The following TARS1 variants were observed in gnomAD, a reference collection of about 807,000 sequenced individuals.
The protein encoded by TARS1 is threonine--tRNA ligase 1, cytoplasmic.
TARS1 carries 57 observed loss-of-function variants against 97.7 expected under a neutral mutation model. The ratio of observed to expected loss-of-function variants is 0.58; its 90% confidence interval spans 0.47 to 0.73. The LOEUF is 0.73. Ranked by LOEUF, TARS1 falls within the 30% of genes least tolerant of loss-of-function variation. TARS1 has a pLI of 0.00. For missense variants in TARS1, 806 were observed against 888.3 expected (o/e 0.91, Z 1.18); for synonymous variants, 312 against 293.7 (o/e 1.06, Z -0.64).
intron 2 of TARS1, chr5:33,446,225 G>GT (rs1741406902): frequency 6.4e-6 from 1 of 157,138 alleles, no homozygotes; most frequent in Non-Finnish European, 1.4e-5. Flanking sequence ...TTACTTTAGG[G>GT]TAAGTTTATA....
At chr5:33,446,369 G>A (rs896503235) in intron 2 of TARS1, among the ~76,000 whole-genome samples, 3 of 152,104 alleles carry the variant, frequency 2.0e-5, no homozygotes, top group East Asian at 3.8e-4. Flanking sequence ...TTTAAAATTT[G>A]CAAGCCAATG....
At position 33,454,954 on chromosome 5, in the gene TARS1, C is replaced by A; in HGVS notation, c.463C>A (p.His155Asn). 6.2e-7 allele frequency: 1 copy of A among 1,613,316 alleles called. No homozygotes were observed. Among genetic ancestry groups the A allele is most frequent in the Middle Eastern group, 1.7e-4 (1 of 6,058 alleles). The stretch of plus-strand genomic sequence containing the variant: ...TTCTTTAAATTTTCAGGTGTATTGG[C>A]ACTCTAGTGCTCACATAATGGGTGA... ...EDEEAQAVYW[H>N]SSAHIMGEAM... The change falls in exon 5 of 19, where the codon CAC (histidine) becomes AAC (asparagine). Residue 155 changes from histidine to asparagine, a missense_variant. By Grantham distance (68) the His-to-Asn change is moderately conservative. Coordinates refer to ENST00000265112, the MANE Select transcript of TARS1 (RefSeq NM_152295.5).
At chr5:33,448,461 T>C in intron 2 of TARS1, 80 bp from the exon 3 acceptor site, 1 of 1,259,084 alleles carries the variant, frequency 7.9e-7, no homozygotes, top group South Asian at 1.7e-5. Context: ...TGTATTGTTT[T>C]TATTATTTCT....
chr5:33,453,468 CTT>C, intron 4 of TARS1, 56 bp downstream of exon 4: 1 of 1,603,522 alleles, frequency 6.2e-7, no homozygotes, highest in Non-Finnish European at 8.5e-7. Context: ...CATTTGAAGT[CTT>C]TTCCAGCTCA....
chr5:33,462,239 A>C (rs1372890999), intron 16 of TARS1, 36 bp downstream of exon 16: 1 of 1,556,418 alleles, frequency 6.4e-7, no homozygotes, highest in Non-Finnish European at 8.8e-7. Context: ...TCTGATTAGT[A>C]TAAATTGGCT....
At chr5:33,452,136 G>A (rs941389403) in intron 3 of TARS1, among the ~76,000 whole-genome samples, 7 of 152,174 alleles carry the variant, frequency 4.6e-5, no homozygotes, top group Non-Finnish European at 1.0e-4. Flanking sequence ...GACATAGAGA[G>A]CCACCAACAC....
chr5:33,454,205 G>A (rs1741899295), intron 4 of TARS1, among the ~76,000 whole-genome samples: 2 of 152,112 alleles, frequency 1.3e-5, no homozygotes, highest in Admixed American at 1.3e-4. Context: ...ATTCTCCATG[G>A]CTGTGTATCA....
At position 33,461,936 on chromosome 5, in the gene TARS1, C is replaced by T. The variant is rs1197612439; in HGVS notation, c.1660C>T (p.Arg554Trp). ...IDIQIKDAIG[R>W]YHQCATIQLD... ...CATACAGATTAAAGATGCGATTGGG[C>T]GGTACCACCAGTGTGCAACCATCCA... Residue 554 changes from arginine to tryptophan, a missense_variant, in exon 15 of 19, where the codon CGG becomes TGG. Physicochemically the swap from Arg to Trp is moderately radical, Grantham distance 101. Coordinates refer to ENST00000265112, the MANE Select transcript of TARS1 (RefSeq NM_152295.5). 7.4e-6 allele frequency: 12 copies of T among 1,613,818 alleles called. No homozygotes were observed. Among genetic ancestry groups the T allele is most frequent in the Middle Eastern group, 1.6e-4 (1 of 6,084 alleles).
intron 3 of TARS1, among the ~76,000 whole-genome samples, chr5:33,450,663 T>C (rs1250999914): frequency 6.6e-6 from 1 of 152,260 alleles, no homozygotes; most frequent in Non-Finnish European, 1.5e-5. Flanking sequence ...TAGATTCCTC[T>C]GTTGTCACAC....
intron 1 of TARS1, among the ~76,000 whole-genome samples, chr5:33,442,454 A>G (rs1741157615): frequency 6.6e-6 from 1 of 151,740 alleles, no homozygotes; most frequent in Admixed American, 6.6e-5. Flanking sequence ...CCTTCCTGTA[A>G]TAATTATACA....
chr5:33,461,862 T>C (rs1167018792), intron 14 of TARS1, 44 bp from the exon 15 acceptor site: 2 of 1,597,804 alleles, frequency 1.3e-6, no homozygotes, highest in Non-Finnish European at 1.7e-6. Context: ...AGCTCCACTT[T>C]AGTATCACTG....
In TARS1 at chr5:33,456,249, A is replaced by G. The variant is rs561061829; in HGVS notation, c.837+22A>G. On this transcript the variant is annotated intron_variant, in intron 8 of 18. Coordinates refer to ENST00000265112, the MANE Select transcript of TARS1 (RefSeq NM_152295.5). ...CAAAGTAAGTAATGTAACTTTAAAG[A>G]CTGTGAATGTATCTGTCTAGAATAG... is the stretch of plus-strand genomic sequence containing the variant. The G allele has an allele frequency of 7.1e-6, 11 of 1,548,008 alleles. No individual in the cohort carries two copies. The South Asian group carries it at 1.1e-4, about 16-fold the overall frequency.
chr5:33,441,273 T>C, intron 1 of TARS1, 130 bp downstream of exon 1: 1 of 1,085,440 alleles, frequency 9.2e-7, no homozygotes, highest in Non-Finnish European at 1.4e-6. Flanking sequence ...AAGTGGGGGA[T>C]GGTGGGACTC....
intron 10 of TARS1, 103 bp downstream of exon 10, chr5:33,458,767 A>G: frequency 1.1e-6 from 1 of 917,796 alleles, no homozygotes; most frequent in Non-Finnish European, 1.6e-6. Context: ...GAGAAGAAAT[A>G]TATAAGACGA....
chr5:33,442,296 AATG>A (rs1741141709), intron 1 of TARS1, among the ~76,000 whole-genome samples: 1 of 151,694 alleles, frequency 6.6e-6, no homozygotes, highest in East Asian at 1.9e-4. Context: ...TTTCACATAA[AATG>A]ATATTTTTAC....
rs1410631377 is a variant in TARS1 at position 33,467,848 on chromosome 5, A to T, written c.*140A>T. The T allele has an allele frequency of 1.4e-5, 11 of 802,438 alleles. No individual in the cohort carries two copies. The highest frequency in any genetic ancestry group is 1.9e-5 in the Non-Finnish European group (10 of 537,972). 49.7% of individuals were successfully genotyped at this position (802,438 alleles called of 1,614,324 possible). On this transcript the variant is annotated 3_prime_UTR_variant, in exon 19 of 19. Transcript: ENST00000265112. ...CTGAATAGGTCAACCTGCAGGCGTA[A>T]CTATTTTTGACCTAGTCAGTTTTTA...
At chr5:33,446,644 A>G in intron 2 of TARS1, 1 of 1,284,842 alleles carries the variant, frequency 7.8e-7, no homozygotes, top group South Asian at 1.2e-5. Flanking sequence ...GCAATCACAG[A>G]GACTGACACA....
chr5:33,455,529 T>C lies in TARS1; in HGVS notation c.576-58T>C, dbSNP rs1741967111. 5 of 1,153,980 alleles carry C rather than the reference T, an allele frequency of 4.3e-6. No homozygotes were observed. In the Admixed American group the frequency reaches 9.3e-5, roughly 21 times the overall value. 71.5% of individuals were successfully genotyped at this position (1,153,980 alleles called of 1,614,324 possible). A position where few individuals can be genotyped will look rare whatever the true frequency, so the allele number is the denominator to read the frequency against. On this transcript the variant is annotated intron_variant, in intron 5 of 18. Coordinates refer to ENST00000265112, the MANE Select transcript of TARS1 (RefSeq NM_152295.5). ...AAATACTATTTCCAAATGAACATTTTTCGAAGCCATGGTGTGATTCGAATG... is the reference window on the plus strand; with the variant it reads ...AAATACTATTTCCAAATGAACATTTCTCGAAGCCATGGTGTGATTCGAATG...
chr5:33,456,788 G>A (rs1449984811), intron 8 of TARS1, among the ~76,000 whole-genome samples: 2 of 152,178 alleles, frequency 1.3e-5, no homozygotes, highest in Admixed American at 6.5e-5. Flanking sequence ...GTATTGGGGT[G>A]TAGAATGGGT....
Sources: allele counts gnomAD v4.1 joint callset (sites outside exome capture counted in the v4.1 genomes callset), GRCh38; gene constraint gnomAD v4.1.1; transcripts MANE v1.5; gene names NCBI Gene and HGNC (gene_info 2026-07-23, HGNC 2026-07-21).